The following CLYBL variants were observed in gnomAD, a reference collection of about 807,000 sequenced individuals.
CLYBL encodes citramalyl-CoA lyase.
A neutral mutation model predicts 38.9 loss-of-function variants in CLYBL; 31 were observed. That is an observed-to-expected ratio of 0.80 (90% CI 0.60 to 1.08). CLYBL has a LOEUF of 1.08. CLYBL is among the 50% of genes least tolerant of loss of function. The pLI is 0.00. For missense variants in CLYBL, 434 were observed against 411.6 expected (o/e 1.05, Z -0.47); for synonymous variants, 171 against 158.6 (o/e 1.08, Z -0.59).
At chr13:99,658,776 A>T (rs112428854) in intron 1 of CLYBL, among the ~76,000 whole-genome samples, 1 of 151,814 alleles carries the variant, frequency 6.6e-6, no homozygotes, top group African/African-American at 2.4e-5. Flanking sequence ...CCAACCCCCA[A>T]CCCGCCTCCA....
chr13:99,820,796 C>T (rs536685883), intron 2 of CLYBL, among the ~76,000 whole-genome samples: 17 of 152,262 alleles, frequency 1.1e-4, no homozygotes, highest in African/African-American at 3.9e-4. Context: ...GTTCTCCGGT[C>T]GGGATGGCAC....
chr13:99,685,005 G>A (rs1321234549), intron 1 of CLYBL, among the ~76,000 whole-genome samples: 1 of 152,184 alleles, frequency 6.6e-6, no homozygotes. Flanking sequence ...AAATACTTTG[G>A]TTTTTAATAT....
rs144569013 is a variant in CLYBL at position 99,886,645 on chromosome 13, C to T, written c.928-4673C>T. 7.4e-4 allele frequency among the ~76,000 whole-genome samples: 112 copies of T among 152,368 alleles called. 1 individual carries two copies. The highest frequency in any genetic ancestry group is 2.5e-3 in the African/African-American group (102 of 41,586). ...AAAGCCCATTGCGTCCGGAGTTCCACGGCAACGCGTGGAGATGCCTGGCAT... is the reference window on the plus strand; with the variant it reads ...AAAGCCCATTGCGTCCGGAGTTCCATGGCAACGCGTGGAGATGCCTGGCAT... On this transcript the variant is annotated intron_variant, in intron 7 of 8. Transcript: ENST00000339105.
chr13:99,873,419 C>G (rs759678444), intron 7 of CLYBL, among the ~76,000 whole-genome samples: 3 of 152,038 alleles, frequency 2.0e-5, no homozygotes, highest in African/African-American at 7.2e-5. Context: ...ACACGTGAAC[C>G]CTCAGATATT....
intron 2 of CLYBL, among the ~76,000 whole-genome samples, chr13:99,847,790 C>T (rs1228827310): frequency 1.3e-5 from 2 of 152,206 alleles, no homozygotes; most frequent in Non-Finnish European, 2.9e-5. Flanking sequence ...GATGGATCCT[C>T]CCGAAGGCAG....
At chr13:99,827,953 A>G (rs977185359) in intron 2 of CLYBL, among the ~76,000 whole-genome samples, 10 of 152,230 alleles carry the variant, frequency 6.6e-5, no homozygotes, top group African/African-American at 2.4e-4. Context: ...ACATTAGAAA[A>G]TTGCATAGTC....
At chr13:99,715,047 G>A (rs948304178) in intron 1 of CLYBL, among the ~76,000 whole-genome samples, 1 of 152,178 alleles carries the variant, frequency 6.6e-6, no homozygotes, top group African/African-American at 2.4e-5. Flanking sequence ...GTTATCAGCT[G>A]GGGGCCCACC....
chr13:99,881,674 G>A (rs534818875), intron 7 of CLYBL, among the ~76,000 whole-genome samples: 3 of 150,662 alleles, frequency 2.0e-5, no homozygotes, highest in Admixed American at 1.3e-4. Context: ...CGATCCTCCC[G>A]TCTTGGTCTC....
chr13:99,878,726 T>C (rs1357556952), intron 7 of CLYBL, among the ~76,000 whole-genome samples: 1 of 152,224 alleles, frequency 6.6e-6, no homozygotes, highest in Admixed American at 6.5e-5. Flanking sequence ...CCCTTAGATT[T>C]TGATACACTT....
chr13:99,830,670 G>A (rs2050786761), intron 2 of CLYBL, among the ~76,000 whole-genome samples: 1 of 152,200 alleles, frequency 6.6e-6, no homozygotes, highest in African/African-American at 2.4e-5. Context: ...AAATAGTCCA[G>A]GCACTGTTCC....
intron 1 of CLYBL, among the ~76,000 whole-genome samples, chr13:99,760,467 A>T (rs117266350): frequency 1.3e-3 from 202 of 152,312 alleles, no homozygotes; most frequent in Middle Eastern, 3.4e-3. Context: ...GCACCTAAGC[A>T]TTTCTTGCAG....
chr13:99,667,901 T>C (rs1035505614), intron 1 of CLYBL, among the ~76,000 whole-genome samples: 6 of 152,212 alleles, frequency 3.9e-5, no homozygotes, highest in Admixed American at 3.3e-4. Flanking sequence ...AATGAAGGTT[T>C]GCCCATCATT....
chr13:99,699,248 G>A (rs1226680934), intron 1 of CLYBL, among the ~76,000 whole-genome samples: 1 of 152,062 alleles, frequency 6.6e-6, no homozygotes, highest in African/African-American at 2.4e-5. Flanking sequence ...AGCTGGGTGT[G>A]GTGGTGGGCA....
chr13:99,850,170 C>A (rs1430378556), intron 2 of CLYBL, among the ~76,000 whole-genome samples: 1 of 152,164 alleles, frequency 6.6e-6, no homozygotes, highest in Non-Finnish European at 1.5e-5. Context: ...ATTGTAACTT[C>A]TGTGCTTCAT....
intron 2 of CLYBL, among the ~76,000 whole-genome samples, chr13:99,828,109 A>C (rs889320742): frequency 2.0e-5 from 3 of 152,192 alleles, no homozygotes; most frequent in African/African-American, 7.2e-5. Flanking sequence ...ATTTTCAAAG[A>C]CAACATGAAA....
chr13:99,790,256 A>G (rs139244888), intron 2 of CLYBL, among the ~76,000 whole-genome samples: 3,568 of 152,172 alleles, frequency 0.023, 149 homozygotes, highest in African/African-American at 0.081. Flanking sequence ...TTAGCTGGTT[A>G]TTTTGCCTGT....
At chr13:99,676,186 G>GTCCTTCCTTCCT (rs35403713) in intron 1 of CLYBL, among the ~76,000 whole-genome samples, 6,811 of 132,896 alleles carry the variant, frequency 0.051, 264 homozygotes, top group East Asian at 0.067. Flanking sequence ...CCCTCCGTCC[G>GTCCTTCCTTCCT]TCCTTCCTTC....
chr13:99,685,931 C>T (rs1264029283), intron 1 of CLYBL, among the ~76,000 whole-genome samples: 1 of 152,050 alleles, frequency 6.6e-6, no homozygotes, highest in Non-Finnish European at 1.5e-5. Flanking sequence ...CATTGCACTC[C>T]AGCCTGGGCG....
intron 2 of CLYBL, among the ~76,000 whole-genome samples, chr13:99,838,637 A>T (rs1028482609): frequency 2.6e-5 from 4 of 152,116 alleles, no homozygotes; most frequent in Non-Finnish European, 5.9e-5. Flanking sequence ...AACATTTCAC[A>T]TTCTTTTTCT....
Sources: gnomAD v4.1 joint callset for allele counts (sites outside exome capture counted in the v4.1 genomes callset) on GRCh38, gnomAD v4.1.1 for gene constraint, MANE v1.5 for transcripts, NCBI Gene and HGNC (gene_info 2026-07-23, HGNC 2026-07-21) for gene names.